FBXO36: variants seen among roughly 807,000 people sequenced by gnomAD.
FBXO36 encodes F-box only protein 36.
FBXO36 carries 18 observed loss-of-function variants against 17.0 expected under a neutral mutation model. That is an observed-to-expected ratio of 1.06 (90% CI 0.73 to 1.57). The LOEUF is 1.57. FBXO36 is among the 40% of genes most tolerant of loss of function. The pLI, the probability that FBXO36 is intolerant of heterozygous loss-of-function variation, is 0.00. For synonymous variants in FBXO36, 83 were observed against 85.3 expected (o/e 0.97, Z 0.15); for missense variants, 229 against 221.9 (o/e 1.03, Z -0.20).
chr2:229,932,139 C>T (rs6734667), intron 1 of FBXO36, among the ~76,000 whole-genome samples: 8,210 of 151,936 alleles, frequency 0.054, 748 homozygotes, highest in African/African-American at 0.19. Flanking sequence ...CCCAGCACTT[C>T]AGGAGGACGA....
chr2:230,005,513 G>C (rs540581289), intron 3 of FBXO36, among the ~76,000 whole-genome samples: 3 of 152,080 alleles, frequency 2.0e-5, no homozygotes, highest in Non-Finnish European at 4.4e-5. Flanking sequence ...ATTGCTAAGT[G>C]TAACTATTTA....
chr2:229,923,467 C>A (rs1364291162), intron 1 of FBXO36, among the ~76,000 whole-genome samples: 1 of 152,100 alleles, frequency 6.6e-6, no homozygotes, highest in African/African-American at 2.4e-5. Context: ...AGATACTATT[C>A]CTATAAAATG....
At chr2:229,976,110 T>C (rs757394231) in intron 1 of FBXO36, 131 bp from the exon 2 acceptor site, 52 of 598,340 alleles carry the variant, frequency 8.7e-5, no homozygotes, top group Non-Finnish European at 1.3e-4. Flanking sequence ...TAATTTGATG[T>C]GATGCCAGAC....
rs537335072 is a variant in FBXO36, at chr2:229,945,749, G to A, written c.96+23140G>A. Among the ~76,000 whole-genome samples, 246 of 152,162 alleles carry A rather than the reference G, an allele frequency of 1.6e-3. 1 individual carries two copies. The highest frequency in any genetic ancestry group is 2.0e-3 in the Non-Finnish European group (139 of 68,008). On this transcript the variant is annotated intron_variant, in intron 1 of 3. Transcript: ENST00000283946. The stretch of plus-strand genomic sequence containing the variant: ...TAAAAGATGAAACTGGAAGCCAGGC[G>A]CGGTGGCTCATGCCTGTAATCCCAG...
chr2:229,989,118 T>G (rs985083653), intron 2 of FBXO36, among the ~76,000 whole-genome samples: 8 of 152,156 alleles, frequency 5.3e-5, no homozygotes, highest in African/African-American at 1.9e-4. Flanking sequence ...TTTGAGTTAA[T>G]GGTTTCTGGT....
intron 3 of FBXO36, 39 bp from the exon 4 acceptor site, chr2:230,010,655 CAT>C (rs765259466): frequency 9.0e-6 from 14 of 1,552,954 alleles, no homozygotes; most frequent in Admixed American, 3.6e-5. Flanking sequence ...TGAGTTAACA[CAT>C]GTGTGCTGTA....
chr2:229,951,790 G>A (rs1209447289), intron 1 of FBXO36, among the ~76,000 whole-genome samples: 1 of 152,200 alleles, frequency 6.6e-6, no homozygotes, highest in Non-Finnish European at 1.5e-5. Context: ...TTTAACTGAA[G>A]TCAGCAAGTG....
At chr2:229,983,369 C>G (rs887357237) in intron 2 of FBXO36, among the ~76,000 whole-genome samples, 1 of 140,746 alleles carries the variant, frequency 7.1e-6, no homozygotes, top group African/African-American at 2.5e-5. Context: ...GAGCAAAACT[C>G]CATCTCAAAA....
chr2:229,961,835 A>C (rs375920766), intron 1 of FBXO36, among the ~76,000 whole-genome samples: 1 of 152,132 alleles, frequency 6.6e-6, no homozygotes, highest in East Asian at 1.9e-4. Context: ...AATGCCTCTC[A>C]ATTTGTTCAG....
intron 1 of FBXO36, among the ~76,000 whole-genome samples, chr2:229,955,192 G>T (rs2077080657): frequency 6.6e-6 from 1 of 152,130 alleles, no homozygotes; most frequent in Admixed American, 6.6e-5. Context: ...CCCCTGCCCA[G>T]CACTTTTTAT....
At chr2:229,948,757 G>A (rs1389438009) in intron 1 of FBXO36, among the ~76,000 whole-genome samples, 1 of 152,206 alleles carries the variant, frequency 6.6e-6, no homozygotes, top group East Asian at 1.9e-4. Context: ...AATTCTGAAA[G>A]TGACGGAAAA....
intron 2 of FBXO36, among the ~76,000 whole-genome samples, chr2:229,989,836 G>T (rs375948449): frequency 6.6e-6 from 1 of 151,586 alleles, no homozygotes; most frequent in Non-Finnish European, 1.5e-5. Flanking sequence ...GCCTCCCAAA[G>T]TGTTGGGATT....
chr2:230,005,529 C>T (rs577484143), intron 3 of FBXO36, among the ~76,000 whole-genome samples: 2 of 152,252 alleles, frequency 1.3e-5, no homozygotes, highest in South Asian at 4.1e-4. Flanking sequence ...ATTTAAAATA[C>T]TCAAAGAAAT....
chr2:229,933,161 G>A (rs1226364650), intron 1 of FBXO36, among the ~76,000 whole-genome samples: 1 of 152,170 alleles, frequency 6.6e-6, no homozygotes, highest in Middle Eastern at 3.2e-3. Context: ...GGGAGGACGA[G>A]GCGGGTGGAT....
intron 1 of FBXO36, among the ~76,000 whole-genome samples, chr2:229,958,265 T>C (rs1302140305): frequency 1.0e-5 from 1 of 100,294 alleles, no homozygotes; most frequent in Non-Finnish European, 2.2e-5. Flanking sequence ...TTCTTTTTTT[T>C]TTTTTTTTTT....
intron 1 of FBXO36, among the ~76,000 whole-genome samples, chr2:229,956,105 T>C (rs2077085882): frequency 6.6e-6 from 1 of 152,226 alleles, no homozygotes; most frequent in Non-Finnish European, 1.5e-5. Context: ...CTTACAATTA[T>C]CATTTTGGGA....
At chr2:229,951,987 G>A (rs2433733) in intron 1 of FBXO36, among the ~76,000 whole-genome samples, 94,989 of 151,924 alleles carry the variant, frequency 0.63, 30,263 homozygotes, top group East Asian at 0.77. Context: ...GCTATAACTT[G>A]GTGAAAAAAA....
At chr2:229,993,421 C>T (rs916601256) in intron 2 of FBXO36, among the ~76,000 whole-genome samples, 2 of 152,124 alleles carry the variant, frequency 1.3e-5, no homozygotes, top group Middle Eastern at 3.2e-3. Context: ...TTTATGATGA[C>T]CTACCCTTTG....
At chr2:229,929,538 C>G (rs1461015227) in intron 1 of FBXO36, among the ~76,000 whole-genome samples, 6 of 151,442 alleles carry the variant, frequency 4.0e-5, no homozygotes, top group Non-Finnish European at 8.8e-5. Context: ...TGCACTCCAG[C>G]CTGGGCAACA....
Sources: gnomAD v4.1 joint callset for allele counts (sites outside exome capture counted in the v4.1 genomes callset) on GRCh38, gnomAD v4.1.1 for gene constraint, MANE v1.5 for transcripts, NCBI Gene and HGNC (gene_info 2026-07-23, HGNC 2026-07-21) for gene names.